Variants in UTRN observed in about 807,000 individuals in gnomAD.
UTRN encodes dystrophin-related protein 1.
In UTRN, 283 loss-of-function variants were observed where a neutral mutation model predicts 463.9. That is an observed-to-expected ratio of 0.61 (90% CI 0.55 to 0.67). UTRN has a LOEUF of 0.67. Among genes scored for constraint, UTRN ranks in the 30% least tolerant of loss-of-function variants. The probability of loss-of-function intolerance (pLI) is 0.00; values close to 1 mark genes in which losing one functional copy is unlikely to be tolerated. For missense variants in UTRN, 3,922 were observed against 4,084.3 expected (o/e 0.96, Z 1.08); for synonymous variants, 1,442 against 1,431.5 (o/e 1.01, Z -0.17).
At chr6:144,372,852 G>A (rs1477348337) in intron 2 of UTRN, among the ~76,000 whole-genome samples, 1 of 152,072 alleles carries the variant, frequency 6.6e-6, no homozygotes, top group Non-Finnish European at 1.5e-5. Context: ...TGAAAAATGA[G>A]CAAAGGAATA....
intron 2 of UTRN, among the ~76,000 whole-genome samples, chr6:144,294,423 A>C (rs778514705): frequency 1.8e-4 from 28 of 152,198 alleles, no homozygotes; most frequent in Non-Finnish European, 3.7e-4. Flanking sequence ...ACATATTTTA[A>C]GAGATTTTTA....
At position 144,835,327 on chromosome 6, in the gene UTRN, A is replaced by G. The variant is rs1562965997; in HGVS notation, c.9666-453A>G. 2.0e-5 allele frequency among the ~76,000 whole-genome samples: 3 copies of G among 152,372 alleles called. No homozygotes were observed. The South Asian group carries it at 6.2e-4, about 32-fold the overall frequency. On this transcript the variant is annotated intron_variant, in intron 69 of 74. Transcript: ENST00000367545. ...TGCTGAGCTATTTAAATAAAAGAAC[A>G]TAAGGATTATAAACCTTGTCATATG...
chr6:144,617,585 G>A (rs1467197761), intron 51 of UTRN, among the ~76,000 whole-genome samples: 1 of 152,138 alleles, frequency 6.6e-6, no homozygotes, highest in African/African-American at 2.4e-5. Flanking sequence ...AGTCATTGTG[G>A]CTATGCTTTG....
intron 9 of UTRN, 129 bp from the exon 10 acceptor site, chr6:144,435,806 G>A: frequency 2.2e-6 from 2 of 919,308 alleles, no homozygotes; most frequent in Non-Finnish European, 3.3e-6. Context: ...TGCCCATTTG[G>A]CTCCTGAGAA....
intron 53 of UTRN, among the ~76,000 whole-genome samples, chr6:144,712,334 C>T (rs530473291): frequency 6.6e-6 from 1 of 152,256 alleles, no homozygotes; most frequent in African/African-American, 2.4e-5. Flanking sequence ...TGTAATATTG[C>T]AACTTTACCC....
intron 47 of UTRN, among the ~76,000 whole-genome samples, chr6:144,550,194 T>C (rs887058013): frequency 6.6e-6 from 1 of 152,202 alleles, no homozygotes; most frequent in Non-Finnish European, 1.5e-5. Context: ...TGATCAGTAT[T>C]CATTACCATG....
At chr6:144,350,382 A>G (rs1175546810) in intron 2 of UTRN, among the ~76,000 whole-genome samples, 1 of 152,218 alleles carries the variant, frequency 6.6e-6, no homozygotes, top group Non-Finnish European at 1.5e-5. Flanking sequence ...CTATGAATGT[A>G]AAAATGTATG....
intron 31 of UTRN, 76 bp downstream of exon 31, chr6:144,490,275 A>G (rs1792930081): frequency 1.3e-6 from 2 of 1,538,688 alleles, no homozygotes; most frequent in Admixed American, 2.1e-5. Flanking sequence ...AGAATTGATT[A>G]CTTGGGCACC....
intron 73 of UTRN, among the ~76,000 whole-genome samples, chr6:144,842,519 G>A (rs1125593): frequency 6.6e-6 from 1 of 152,132 alleles, no homozygotes; most frequent in African/African-American, 2.4e-5. Flanking sequence ...AACCTGGGAG[G>A]CTGAAGTTGC....
chr6:144,292,892 A>G (rs928177276), intron 2 of UTRN, among the ~76,000 whole-genome samples: 12 of 152,228 alleles, frequency 7.9e-5, no homozygotes, highest in Non-Finnish European at 1.6e-4. Context: ...CACAGTGAAA[A>G]TAAGATCTAA....
intron 2 of UTRN, among the ~76,000 whole-genome samples, chr6:144,367,076 C>T (rs564660319): frequency 9.2e-5 from 14 of 152,170 alleles, no homozygotes; most frequent in East Asian, 1.9e-4. Flanking sequence ...CTCCATCTCC[C>T]GGGTTCAAGT....
intron 66 of UTRN, 85 bp from the exon 67 acceptor site, chr6:144,827,263 T>C: frequency 2.0e-6 from 3 of 1,515,516 alleles, no homozygotes; most frequent in Non-Finnish European, 2.7e-6. Context: ...TAATTGAGAA[T>C]CTCCCCACAC....
chr6:144,357,799 A>G (rs137854921), intron 2 of UTRN, among the ~76,000 whole-genome samples: 229 of 152,392 alleles, frequency 1.5e-3, no homozygotes, highest in Admixed American at 2.7e-3. Flanking sequence ...TTTATTTCAA[A>G]TAAGATGCTG....
At chr6:144,837,843 A>G (rs1487769594) in intron 71 of UTRN, among the ~76,000 whole-genome samples, 4 of 152,188 alleles carry the variant, frequency 2.6e-5, no homozygotes, top group Non-Finnish European at 5.9e-5. Flanking sequence ...AGGCTGTTCA[A>G]TGGAAGGCTT....
At chr6:144,423,253 G>A (rs1785000280) in intron 4 of UTRN, among the ~76,000 whole-genome samples, 1 of 152,182 alleles carries the variant, frequency 6.6e-6, no homozygotes, top group Non-Finnish European at 1.5e-5. Context: ...GACCCATTAA[G>A]CCACACTCTT....
chr6:144,693,694 CTGT>C (rs1783673645), intron 52 of UTRN, among the ~76,000 whole-genome samples: 1 of 152,064 alleles, frequency 6.6e-6, no homozygotes, highest in Non-Finnish European at 1.5e-5. Context: ...CTTGGCTTGA[CTGT>C]TGTTGATGTG....
At chr6:144,820,040 A>G (rs999456944) in intron 65 of UTRN, among the ~76,000 whole-genome samples, 27 of 152,010 alleles carry the variant, frequency 1.8e-4, no homozygotes, top group African/African-American at 5.3e-4. Flanking sequence ...GGTAATGTAA[A>G]TATTTTAAAT....
At chr6:144,531,285 A>C in intron 42 of UTRN, 83 bp downstream of exon 42, 2 of 1,288,400 alleles carry the variant, frequency 1.6e-6, no homozygotes, top group Non-Finnish European at 2.0e-6. Context: ...GTAGGGACAA[A>C]ATATATTAAT....
intron 61 of UTRN, among the ~76,000 whole-genome samples, chr6:144,787,769 G>A (rs1454870286): frequency 6.6e-6 from 1 of 152,048 alleles, no homozygotes; most frequent in Non-Finnish European, 1.5e-5. Context: ...AGCACAAATT[G>A]TTAACTTTTA....
Sources: gnomAD v4.1 joint callset for allele counts (sites outside exome capture counted in the v4.1 genomes callset) on GRCh38, gnomAD v4.1.1 for gene constraint, MANE v1.5 for transcripts, NCBI Gene and HGNC (gene_info 2026-07-23, HGNC 2026-07-21) for gene names.